The following ABCB1 variants were observed in gnomAD, a reference collection of about 807,000 sequenced individuals.
The protein encoded by ABCB1 is ATP binding cassette subfamily B member 1, also known as ATP-dependent translocase ABCB1.
Under a neutral mutation model 142.0 loss-of-function variants are expected in ABCB1, and 69 were observed. The observed-to-expected ratio is 0.49, with a 90% CI of 0.40 to 0.59. The LOEUF (loss-of-function observed/expected upper bound fraction) is 0.59. ABCB1 is among the 20% of genes least tolerant of loss of function. ABCB1 has a pLI of 0.00. For missense variants in ABCB1, 1,326 were observed against 1,554.7 expected, an observed-to-expected ratio of 0.85 and a Z score of 2.47; for synonymous variants, 532 against 539.2, an observed-to-expected ratio of 0.99 and a Z score of 0.18.
chr7:87,695,438 GT>G (rs947238800), intron 1 of ABCB1, among the ~76,000 whole-genome samples: 3 of 152,086 alleles, frequency 2.0e-5, no homozygotes, highest in Non-Finnish European at 4.4e-5. Flanking sequence ...AACTCCACAA[GT>G]TTTTTAAAGG....
At chr7:87,528,830 T>C (rs1470954850) in intron 21 of ABCB1, among the ~76,000 whole-genome samples, 1 of 152,160 alleles carries the variant, frequency 6.6e-6, no homozygotes, top group East Asian at 1.9e-4. Flanking sequence ...GAGGTAATAA[T>C]TTTGGGATAT....
chr7:87,639,153 CAAAAAA>C (rs71117547), intron 1 of ABCB1, among the ~76,000 whole-genome samples: 4 of 87,732 alleles, frequency 4.6e-5, no homozygotes, highest in Admixed American at 2.9e-4. Flanking sequence ...GACTCCGTCT[CAAAAAA>C]AAAAAAAAAA....
intron 4 of ABCB1, among the ~76,000 whole-genome samples, chr7:87,581,758 ACCCC>A (rs1271827746): frequency 6.6e-6 from 1 of 151,886 alleles, no homozygotes; most frequent in East Asian, 1.9e-4. Context: ...TATTGTAAAA[ACCCC>A]CAGGCTTTCA....
intron 4 of ABCB1, among the ~76,000 whole-genome samples, chr7:87,570,776 C>A (rs188903636): frequency 1.3e-5 from 2 of 152,300 alleles, no homozygotes; most frequent in African/African-American, 4.8e-5. Context: ...GACACACACA[C>A]ACACACTCAG....
chr7:87,664,319 A>G (rs1435019889), intron 1 of ABCB1, among the ~76,000 whole-genome samples: 1 of 152,256 alleles, frequency 6.6e-6, no homozygotes, highest in East Asian at 1.9e-4. Context: ...CCTGGGCAAC[A>G]CAGCAAGATA....
intron 1 of ABCB1, among the ~76,000 whole-genome samples, chr7:87,636,139 G>T (rs532974968): frequency 8.5e-5 from 13 of 152,278 alleles, no homozygotes; most frequent in African/African-American, 2.9e-4. Context: ...CAGATATTCG[G>T]CTTCAGTAGA....
At chr7:87,530,669 T>C (rs1398401441) in intron 21 of ABCB1, among the ~76,000 whole-genome samples, 1 of 151,792 alleles carries the variant, frequency 6.6e-6, no homozygotes, top group Non-Finnish European at 1.5e-5. Flanking sequence ...TGGTAGTAAT[T>C]TAAAACAGAT....
Position 87,589,976 on chromosome 7 carries a change from C to T in ABCB1, c.118-4296G>A, listed in dbSNP as rs544592639. Among the ~76,000 whole-genome samples the T allele has an allele frequency of 1.4e-4, 22 of 151,978 alleles. 2 individuals carry two copies. The highest frequency in any genetic ancestry group is 5.1e-4 in the African/African-American group (21 of 41,412). On this transcript the variant is annotated intron_variant, in intron 3 of 27. Transcript: ENST00000622132. ...TGCCTAATGCCAAAGACTGGGCTTC[C>T]CAGGGCAAAGAAGTAGAAGGTACTG...
chr7:87,551,515 A>C (rs1429296764), intron 9 of ABCB1, among the ~76,000 whole-genome samples: 1 of 152,242 alleles, frequency 6.6e-6, no homozygotes, highest in African/African-American at 2.4e-5. Context: ...ATTTTAAGAC[A>C]AGGTCTTGCT....
rs201649109 is a variant in ABCB1 at position 87,566,081 on chromosome 7, C to G, written c.691G>C (p.Val231Leu). The change falls in exon 7 of 28, where the codon GTC becomes CTC. Residue 231 changes from valine to leucine, a missense_variant. Transcript: ENST00000622132. ...ISPVLGLSAA[V>L]WAKILSSFTD... ...CAGGCTTCACCTACCTTTGCCCAGA[C>G]AGCAGCTGACAGTCCAAGAACAGGA... The G allele has an allele frequency of 2.0e-5, 32 of 1,614,058 alleles. No individual in the cohort carries two copies. Among genetic ancestry groups the G allele is most frequent in the Admixed American group, 3.3e-5 (2 of 60,004 alleles).
At chr7:87,651,694 A>G (rs948029988) in intron 1 of ABCB1, among the ~76,000 whole-genome samples, 53 of 152,130 alleles carry the variant, frequency 3.5e-4, no homozygotes, top group African/African-American at 1.3e-3. Context: ...CTTTGGTAAC[A>G]TAACTTATGA....
rs144861955 is a variant in ABCB1 at position 87,521,530 on chromosome 7, C to T, written c.2686-654G>A. On this transcript the variant is annotated intron_variant, in intron 21 of 27. Transcript: ENST00000622132. ...ATTCTTCATTGGAGGTTGAGCTCTA[C>T]ATTGGTTGACCAATGAGAGCCTGAG... is the stretch of plus-strand genomic sequence containing the variant. The T allele has an allele frequency of 6.2e-4, 466 of 757,064 alleles. 6 individuals carry two copies. The highest frequency in any genetic ancestry group is 3.7e-3 in the South Asian group (273 of 73,408). 46.9% of individuals were successfully genotyped at this position (757,064 alleles called of 1,614,324 possible). A position where few individuals can be genotyped will look rare whatever the true frequency, so the allele number is the denominator to read the frequency against.
intron 26 of ABCB1, among the ~76,000 whole-genome samples, chr7:87,506,667 T>C (rs890606662): frequency 6.6e-6 from 1 of 152,214 alleles, no homozygotes; most frequent in Non-Finnish European, 1.5e-5. Flanking sequence ...AATGGATAAT[T>C]GTCACCAACT....
At chr7:87,614,643 A>C (rs963699770) in intron 1 of ABCB1, among the ~76,000 whole-genome samples, 3 of 152,344 alleles carry the variant, frequency 2.0e-5, no homozygotes, top group African/African-American at 7.2e-5. Flanking sequence ...AAAATAAAGC[A>C]AACTGAGATG....
At chr7:87,706,622 G>A (rs1193560468) in intron 1 of ABCB1, among the ~76,000 whole-genome samples, 1 of 152,200 alleles carries the variant, frequency 6.6e-6, no homozygotes, top group African/African-American at 2.4e-5. Flanking sequence ...CACGAGCTGA[G>A]CCGCACATCC....
At chr7:87,653,028 A>AAG (rs1678572563) in intron 1 of ABCB1, among the ~76,000 whole-genome samples, 1 of 152,076 alleles carries the variant, frequency 6.6e-6, no homozygotes, top group South Asian at 2.1e-4. Flanking sequence ...AGGCAAAGTG[A>AAG]AGAGCTGAGA....
chr7:87,544,663 T>C (rs1467327702), intron 16 of ABCB1, among the ~76,000 whole-genome samples, 160 bp downstream of exon 16: 3 of 152,202 alleles, frequency 2.0e-5, no homozygotes, highest in Non-Finnish European at 4.4e-5. Flanking sequence ...ATTAATACTT[T>C]TAAATTCTAA....
At chr7:87,528,150 C>G (rs2373587) in intron 21 of ABCB1, among the ~76,000 whole-genome samples, 14,746 of 152,136 alleles carry the variant, frequency 0.097, 1,230 homozygotes, top group East Asian at 0.38. Context: ...CTGGGACCCT[C>G]CCATAACATG....
intron 25 of ABCB1, among the ~76,000 whole-genome samples, 177 bp downstream of exon 25, chr7:87,515,054 G>A (rs1815166602): frequency 6.6e-6 from 1 of 152,232 alleles, no homozygotes; most frequent in Non-Finnish European, 1.5e-5. Context: ...GGAGCCTGGA[G>A]AAGTTGGCTG....
Sources: gnomAD v4.1 joint callset for allele counts (sites outside exome capture counted in the v4.1 genomes callset) on GRCh38, gnomAD v4.1.1 for gene constraint, MANE v1.5 for transcripts, NCBI Gene and HGNC (gene_info 2026-07-23, HGNC 2026-07-21) for gene names.